GNA11: variants seen among roughly 807,000 people sequenced by gnomAD.
GNA11 encodes the protein G protein subunit alpha 11.
In GNA11, 8 loss-of-function variants were observed where a neutral mutation model predicts 38.2. The ratio of observed to expected loss-of-function variants is 0.21; its 90% confidence interval spans 0.12 to 0.38. The LOEUF (loss-of-function observed/expected upper bound fraction) is 0.38. Ranked by LOEUF, GNA11 falls within the 10% of genes least tolerant of loss-of-function variation. The probability of loss-of-function intolerance (pLI) is 1.00; values close to 1 mark genes in which losing one functional copy is unlikely to be tolerated. For missense variants in GNA11, 268 were observed against 516.3 expected (o/e 0.52, Z 4.66); for synonymous variants, 211 against 221.4 (o/e 0.95, Z 0.42).
rs1913686827 is a variant in GNA11 at position 3,108,410 on chromosome 19, C to G, written c.137-1739C>G. Among the ~76,000 whole-genome samples the G allele has an allele frequency of 6.6e-6, 1 of 152,140 alleles. No individual in the cohort carries two copies. The highest frequency in any genetic ancestry group is 6.5e-5 in the Admixed American group (1 of 15,276). On this transcript the variant is annotated intron_variant, in intron 1 of 6. Coordinates refer to ENST00000078429, the MANE Select transcript of GNA11 (RefSeq NM_002067.5). This position sits in a 1 kb window ranked among gnomAD's most constrained non-coding sequence, Gnocchi z 4.5. Reference sequence around the variant, plus strand: ...GAGCTGGGTCCCAGCACCAGGCAGCCTTTAGGCAGCTGTGATTGGAACAGC... The same window carrying G: ...GAGCTGGGTCCCAGCACCAGGCAGCGTTTAGGCAGCTGTGATTGGAACAGC...
intron 1 of GNA11, among the ~76,000 whole-genome samples, chr19:3,106,346 C>T (rs1038278417): frequency 2.6e-5 from 4 of 152,160 alleles, no homozygotes; most frequent in Admixed American, 6.5e-5. Flanking sequence ...TGAGTTGGCG[C>T]GGGGAGACAG....
intron 4 of GNA11, 103 bp downstream of exon 4, chr19:3,115,175 G>A (rs1449300379): frequency 1.8e-5 from 24 of 1,341,848 alleles, no homozygotes; most frequent in Middle Eastern, 2.0e-4. Context: ...AGGCCAAGGC[G>A]GGAGGATCGC....
intron 1 of GNA11, among the ~76,000 whole-genome samples, chr19:3,105,077 C>T (rs1337910276): frequency 1.4e-3 from 39 of 27,802 alleles, no homozygotes; most frequent in African/African-American, 5.5e-3. Flanking sequence ...GGTGTGGCCT[C>T]GTGGCAGGGA....
At chr19:3,111,846 T>TG (rs559602865) in intron 2 of GNA11, among the ~76,000 whole-genome samples, 16 of 152,320 alleles carry the variant, frequency 1.1e-4, no homozygotes, top group African/African-American at 3.6e-4. Context: ...GGGCCATTGA[T>TG]CCCGCTTTCG....
rs753396616 is a variant in GNA11, at chr19:3,110,901, T to G, written c.321+568T>G. ...ACAGCCTGGACCTTCTGGGCTCAGG[T>G]GATCCCACCACAGCCTCCCGGGTAG... On this transcript the variant is annotated intron_variant, in intron 2 of 6. Transcript: ENST00000078429. This position sits in a 1 kb window ranked among gnomAD's most constrained non-coding sequence, Gnocchi z 5.4. 1.3e-5 allele frequency among the ~76,000 whole-genome samples: 2 copies of G among 152,216 alleles called. No individual in the cohort carries two copies. Among genetic ancestry groups the G allele is most frequent in the South Asian group, 4.2e-4 (2 of 4,818 alleles).
intron 4 of GNA11, among the ~76,000 whole-genome samples, chr19:3,115,749 G>C (rs111518862): frequency 6.8e-6 from 1 of 146,228 alleles, no homozygotes; most frequent in South Asian, 2.2e-4. Context: ...AGGCTGTGAG[G>C]GGAGGAGGGG....
In GNA11 at chr19:3,098,766, G is replaced by A. The variant is rs60612712; in HGVS notation, c.136+3979G>A. On this transcript the variant is annotated intron_variant, in intron 1 of 6. Coordinates refer to ENST00000078429, the MANE Select transcript of GNA11 (RefSeq NM_002067.5). ...TGGCGCCTGGCAGGGTGGCTGTGCC[G>A]TGTCCCAGAAGACTCTGGGAGCAGG... 4.3e-3 allele frequency among the ~76,000 whole-genome samples: 659 copies of A among 152,288 alleles called. 3 individuals carry two copies. Among genetic ancestry groups the A allele is most frequent in the African/African-American group, 0.015 (626 of 41,564 alleles).
intron 1 of GNA11, among the ~76,000 whole-genome samples, chr19:3,097,458 C>T (rs1913400446): frequency 6.6e-6 from 1 of 152,152 alleles, no homozygotes; most frequent in South Asian, 2.1e-4. Flanking sequence ...CCAGGAGGGT[C>T]TCGTTTATGT....
In GNA11 at chr19:3,120,963, CA is replaced by C; in HGVS notation, c.890-25del. The C allele has an allele frequency of 3.2e-6, 5 of 1,577,334 alleles. No individual in the cohort carries two copies. The highest frequency in any genetic ancestry group is 4.3e-6 in the Non-Finnish European group (5 of 1,154,206). On this transcript the variant is annotated intron_variant, in intron 6 of 6. Transcript: ENST00000078429. This position sits in a 1 kb window ranked among gnomAD's most constrained non-coding sequence, Gnocchi z 5.9. Reference sequence around the variant, plus strand: ...CCTTGCCCTGGGCCGGGCTGGGGCACAGCCTCACCCTCTGCCCTCCCCCAGG... The same window carrying C: ...CCTTGCCCTGGGCCGGGCTGGGGCACGCCTCACCCTCTGCCCTCCCCCAGG...
chr19:3,123,563 G>A lies in GNA11; in HGVS notation c.*2384G>A, dbSNP rs1274837324. ...CTGCCAACGATTTCTCGTGAGTGCC[G>A]ACCACCTTCTCCGACCATGTTACGC... On this transcript the variant is annotated 3_prime_UTR_variant, in exon 7 of 7. Transcript: ENST00000078429. 6.4e-5 allele frequency: 15 copies of A among 232,976 alleles called. No individual in the cohort carries two copies. Among genetic ancestry groups the A allele is most frequent in the Admixed American group, 2.8e-4 (5 of 17,782 alleles). 14.4% of individuals were successfully genotyped at this position (232,976 alleles called of 1,614,324 possible).
chr19:3,099,882 G>A (rs1438841749), intron 1 of GNA11, among the ~76,000 whole-genome samples: 15 of 152,164 alleles, frequency 9.9e-5, no homozygotes, highest in East Asian at 1.9e-4. Flanking sequence ...GGAGACTCAG[G>A]TTCAGAGCCT....
At chr19:3,115,760 T>C (rs1187656591) in intron 4 of GNA11, among the ~76,000 whole-genome samples, 3 of 70,974 alleles carry the variant, frequency 4.2e-5, no homozygotes, top group Non-Finnish European at 7.7e-5. Flanking sequence ...GGAGGAGGGG[T>C]CATAGGGACC....
intron 1 of GNA11, among the ~76,000 whole-genome samples, chr19:3,105,435 G>A (rs1033871804): frequency 6.6e-6 from 1 of 151,430 alleles, no homozygotes; most frequent in Admixed American, 6.6e-5. Context: ...CTGGTACATA[G>A]ACAGCGGCGC....
At chr19:3,111,262 C>G (rs535395952) in intron 2 of GNA11, among the ~76,000 whole-genome samples, 3 of 152,128 alleles carry the variant, frequency 2.0e-5, no homozygotes, top group Admixed American at 6.6e-5. Context: ...CAGCCATCAC[C>G]GCTGTCGGAT....
chr19:3,097,998 G>A (rs569770292), intron 1 of GNA11, among the ~76,000 whole-genome samples: 2 of 152,374 alleles, frequency 1.3e-5, no homozygotes, highest in South Asian at 2.1e-4. Flanking sequence ...CTGTGTGGTA[G>A]CGTACAACGT....
intron 1 of GNA11, among the ~76,000 whole-genome samples, chr19:3,100,030 C>T (rs776238104): frequency 2.0e-5 from 3 of 152,178 alleles, no homozygotes; most frequent in African/African-American, 7.2e-5. Context: ...CTTCCGCTGC[C>T]GGTGTGGTGA....
rs1042130457 is a variant in GNA11, at chr19:3,119,337, G to A, written c.867G>A (p.Val289=). Residue 289 remains valine, a synonymous_variant, in exon 6 of 7, where the codon GTG becomes GTA. Transcript: ENST00000078429. This position sits in a 1 kb window ranked among gnomAD's most constrained non-coding sequence, Gnocchi z 4.6. ...ACAAGATCCTGTACTCGCACCTGGT[G>A]GACTACTTCCCCGAGTTCGATGGTG... ...LEDKILYSHL[V]DYFPEFDGPQ... 5 of 1,613,842 alleles carry A rather than the reference G, an allele frequency of 3.1e-6. No individual in the cohort carries two copies. The highest frequency in any genetic ancestry group is 4.2e-6 in the Non-Finnish European group (5 of 1,179,952).
At position 3,119,875 on chromosome 19, in the gene GNA11, A is replaced by G. The variant is rs115045660; in HGVS notation, c.889+516A>G. ...TGTGCCCTACTGCCCCCACCCTCGG[A>G]CCCGTCCCTCCCTACGTGGCCCCTG... On this transcript the variant is annotated intron_variant, in intron 6 of 6. Coordinates refer to ENST00000078429, the MANE Select transcript of GNA11 (RefSeq NM_002067.5). This position sits in a 1 kb window ranked among gnomAD's most constrained non-coding sequence, Gnocchi z 4.6. 0.01 allele frequency among the ~76,000 whole-genome samples: 1,559 copies of G among 151,902 alleles called. 29 individuals carry two copies. Among genetic ancestry groups the G allele is most frequent in the African/African-American group, 0.036 (1,491 of 41,388 alleles).
In GNA11 at chr19:3,098,675, C is replaced by T. The variant is rs201859042; in HGVS notation, c.136+3888C>T. Among the ~76,000 whole-genome samples the T allele has an allele frequency of 3.3e-5, 5 of 152,204 alleles. No individual in the cohort carries two copies. In the East Asian group the frequency reaches 7.7e-4, roughly 23 times the overall value. On this transcript the variant is annotated intron_variant, in intron 1 of 6. Transcript: ENST00000078429. Reference sequence around the variant, plus strand: ...AAGGCCCGGGATCCAGCATGGGGTGCGGTGGCCCCACGGGAAGGGCCGGGC... The same window carrying T: ...AAGGCCCGGGATCCAGCATGGGGTGTGGTGGCCCCACGGGAAGGGCCGGGC...
Sources: gnomAD v4.1 joint callset for allele counts (sites outside exome capture counted in the v4.1 genomes callset) on GRCh38, gnomAD v4.1.1 for gene constraint, Gnocchi (gnomAD v3.1) non-coding constraint, MANE v1.5 for transcripts, NCBI Gene and HGNC (gene_info 2026-07-23, HGNC 2026-07-21) for gene names.